KLF11: variants seen among roughly 807,000 people sequenced by gnomAD.
The protein encoded by KLF11 is KLF transcription factor 11.
In KLF11, 26 loss-of-function variants were observed where a neutral mutation model predicts 29.9. The observed-to-expected ratio is 0.87, with a 90% CI of 0.64 to 1.21. The LOEUF (loss-of-function observed/expected upper bound fraction) is 1.21. Ranked by LOEUF, KLF11 falls within the 50% of genes most tolerant of loss-of-function variation. The pLI, the probability that KLF11 is intolerant of heterozygous loss-of-function variation, is 0.00. For missense variants in KLF11, 778 were observed against 665.7 expected (o/e 1.17, Z -1.86); for synonymous variants, 318 against 257.4 (o/e 1.24, Z -2.25).
chr2:10,046,847 A>AC (rs1661221813), intron 2 of KLF11, among the ~76,000 whole-genome samples: 1 of 152,054 alleles, frequency 6.6e-6, no homozygotes, highest in South Asian at 2.1e-4. Context: ...AGAGCGCGAG[A>AC]CCCCATCTCA....
intron 3 of KLF11, among the ~76,000 whole-genome samples, chr2:10,048,927 TTTTAAAG>T (rs1661320541): frequency 1.3e-5 from 2 of 151,502 alleles, no homozygotes; most frequent in African/African-American, 4.8e-5. Context: ...TTTTTTTTTT[TTTTAAAG>T]AAAACATGCA....
At position 10,052,723 on chromosome 2, in the gene KLF11, G is replaced by A. The variant is rs199892235; in HGVS notation, c.*216G>A. 40 of 395,418 alleles carry A rather than the reference G, an allele frequency of 1.0e-4. No homozygotes were observed. The African/African-American group carries it at 1.0e-3, about 10-fold the overall frequency. 24.5% of individuals were successfully genotyped at this position (395,418 alleles called of 1,614,324 possible). ...GTAGTTTCAGAAGTTTTTTTGTTTTGGTTTTTTTTTTAAAGAAATGGTAGA... is the reference window on the plus strand; with the variant it reads ...GTAGTTTCAGAAGTTTTTTTGTTTTAGTTTTTTTTTTAAAGAAATGGTAGA... On this transcript the variant is annotated 3_prime_UTR_variant, in exon 4 of 4. Coordinates refer to ENST00000305883, the MANE Select transcript of KLF11 (RefSeq NM_003597.5).
In KLF11 at chr2:10,048,136, G is replaced by T; in HGVS notation, c.799G>T (p.Asp267Tyr). 6.2e-7 allele frequency: 1 copy of T among 1,614,202 alleles called. No individual in the cohort carries two copies. Residue 267 changes from aspartate (D) to tyrosine (Y), a missense_variant, in exon 3 of 4, where the codon GAC (aspartate) becomes TAC (tyrosine). Physicochemically the swap from Asp to Tyr is radical, Grantham distance 160. Transcript: ENST00000305883. ...TTGCTCACCAAAGAATTATGAAAAT[G>T]ACCTGCCCAGGAAAACCACCCCTCT... ...QTCSPKNYENDLPRKTTPLIS... is the reference protein window; with the variant it reads ...QTCSPKNYENYLPRKTTPLIS...
intron 3 of KLF11, 78 bp from the exon 4 acceptor site, chr2:10,052,149 A>T: frequency 7.1e-7 from 1 of 1,417,488 alleles, no homozygotes; most frequent in Non-Finnish European, 1.0e-6. Flanking sequence ...ACACGATTTT[A>T]AAATGACATG....
chr2:10,044,613 G>A (rs1310677512), intron 1 of KLF11, among the ~76,000 whole-genome samples: 1 of 151,810 alleles, frequency 6.6e-6, no homozygotes, highest in African/African-American at 2.4e-5. Context: ...AGATAGAGAG[G>A]AAACGTGTAT....
chr2:10,048,908 C>CTTTT (rs58347649), intron 3 of KLF11, among the ~76,000 whole-genome samples: 2 of 121,662 alleles, frequency 1.6e-5, no homozygotes, highest in African/African-American at 3.2e-5. Context: ...ACGTTTCATC[C>CTTTT]TTTTTTTTTT....
chr2:10,047,956 C>T lies in KLF11; in HGVS notation c.619C>T (p.Leu207Phe), dbSNP rs1218292517. 6.2e-7 allele frequency: 1 copy of T among 1,614,028 alleles called. No individual in the cohort carries two copies. Among genetic ancestry groups the T allele is most frequent in the Non-Finnish European group, 8.5e-7 (1 of 1,180,030 alleles). The change falls in exon 3 of 4, where the codon CTT becomes TTT. Residue 207 changes from leucine (L) to phenylalanine (F), a missense_variant. Transcript: ENST00000305883. The stretch of plus-strand genomic sequence containing the variant: ...TGACAGCAGAGAAGGAGAAGAGCAG[C>T]TTCTGGGACACTTTGAAACTTTGCA... The part of the protein sequence containing the change: ...LSDSREGEEQ[L>F]LGHFETLQDT...
In KLF11 at chr2:10,052,471, G is replaced by C. The variant is rs36091043; in HGVS notation, c.1503G>C (p.Pro501=). ...KLNRIASAES[P]GSPLVSMPAS... is the part of the protein sequence containing the mutation. ...ACAGAATCGCCTCTGCAGAGAGCCC[G>C]GGGAGCCCACTGGTGAGCATGCCAG... The change falls in exon 4 of 4, where the codon CCG becomes CCC. Residue 501 remains proline (P), a synonymous_variant. Transcript: ENST00000305883. 6.2e-7 allele frequency: 1 copy of C among 1,613,996 alleles called. No homozygotes were observed. The highest frequency in any genetic ancestry group is 1.1e-5 in the South Asian group (1 of 91,068).
intron 1 of KLF11, chr2:10,043,970 C>T (rs1429147743): frequency 3.4e-6 from 3 of 885,138 alleles, no homozygotes; most frequent in African/African-American, 1.8e-5. Flanking sequence ...GAGGAGGGGG[C>T]GTGTTCCCCG....
chr2:10,046,056 C>T, intron 1 of KLF11, 94 bp from the exon 2 acceptor site: 1 of 1,420,068 alleles, frequency 7.0e-7, no homozygotes, highest in Non-Finnish European at 9.9e-7. Context: ...TACATGCCTA[C>T]TGTAGGCTTC....
intron 3 of KLF11, among the ~76,000 whole-genome samples, chr2:10,051,707 T>C (rs570128988): frequency 4.5e-4 from 67 of 150,028 alleles, no homozygotes; most frequent in Middle Eastern, 6.9e-3. Context: ...TTAGTAGAGA[T>C]GGGGTTTCAC....
In KLF11 at chr2:10,054,626, G is replaced by A. The variant is rs1450445540; in HGVS notation, c.*2119G>A. On this transcript the variant is annotated 3_prime_UTR_variant, in exon 4 of 4. Transcript: ENST00000305883. ...TCAGCTGGCGGCTCTGGGTGCTGACGGCCGCTGGAGAGGTGGGCTCCCCTC... is the reference window on the plus strand; with the variant it reads ...TCAGCTGGCGGCTCTGGGTGCTGACAGCCGCTGGAGAGGTGGGCTCCCCTC... The A allele has an allele frequency of 1.3e-5, 2 of 152,678 alleles. No individual in the cohort carries two copies. The highest frequency in any genetic ancestry group is 6.5e-5 in the Admixed American group (1 of 15,286). The allele number at this position is 152,678 out of a possible 1,614,324, so 9.5% of individuals were successfully genotyped here.
Position 10,043,778 on chromosome 2 carries a change from C to T in KLF11, c.42+20C>T. The T allele has an allele frequency of 4.4e-6, 6 of 1,369,058 alleles. No homozygotes were observed. The highest frequency in any genetic ancestry group is 5.7e-6 in the Non-Finnish European group (6 of 1,043,816). The allele number at this position is 1,369,058 out of a possible 1,614,324, so 84.8% of individuals were successfully genotyped here. A position where few individuals can be genotyped will look rare whatever the true frequency, so the allele number is the denominator to read the frequency against. On this transcript the variant is annotated intron_variant, in intron 1 of 3. Coordinates refer to ENST00000305883, the MANE Select transcript of KLF11 (RefSeq NM_003597.5). ...CGCGCAGTGAGTGGTGGGGCTGCCG[C>T]GGCGGGACTACTCGTCTGAGCGAGG... is the stretch of plus-strand genomic sequence containing the variant.
chr2:10,052,584 A>G lies in KLF11; in HGVS notation c.*77A>G, dbSNP rs1006379222. ...AATGGAACTGATGGATTCCTCTCCCACTGCCTCACCCAAAAAAAACGGTCT... is the reference window on the plus strand; with the variant it reads ...AATGGAACTGATGGATTCCTCTCCCGCTGCCTCACCCAAAAAAAACGGTCT... On this transcript the variant is annotated 3_prime_UTR_variant, in exon 4 of 4. Transcript: ENST00000305883. 8.7e-6 allele frequency: 13 copies of G among 1,491,800 alleles called. No individual in the cohort carries two copies. In the African/African-American group the frequency reaches 1.1e-4, roughly 13 times the overall value. 92.4% of individuals were successfully genotyped at this position (1,491,800 alleles called of 1,614,324 possible).
rs1237528449 is a variant in KLF11 at position 10,052,636 on chromosome 2, C to G, written c.*129C>G. On this transcript the variant is annotated 3_prime_UTR_variant, in exon 4 of 4. Coordinates refer to ENST00000305883, the MANE Select transcript of KLF11 (RefSeq NM_003597.5). ...GGCGGCCTAGGGGAAGATCGGGGAG[C>G]TGGTTTTGATGAAAGTATGTTAACT... The G allele has an allele frequency of 1.1e-5, 10 of 920,948 alleles. No homozygotes were observed. The highest frequency in any genetic ancestry group is 1.7e-5 in the Non-Finnish European group (10 of 590,782). The allele number at this position is 920,948 out of a possible 1,614,324, so 57.0% of individuals were successfully genotyped here.
chr2:10,044,507 C>T (rs1156704121), intron 1 of KLF11: 2 of 916,480 alleles, frequency 2.2e-6, no homozygotes, highest in African/African-American at 3.6e-5. Flanking sequence ...AGTGGCGCAG[C>T]CTGCGGGACA....
chr2:10,043,881 C>T, intron 1 of KLF11, 123 bp downstream of exon 1: 1 of 1,089,058 alleles, frequency 9.2e-7, no homozygotes, highest in Non-Finnish European at 1.1e-6. Flanking sequence ...TCGCTGCGGC[C>T]GCGCCGGTAG....
Position 10,047,898 on chromosome 2 carries a change from T to C in KLF11, c.561T>C (p.Phe187=). ...CTGGGGAGAGCCCTGCTGCCTGCTTTCCCACCATCCAGACTCCAGATTGCC... is the reference window on the plus strand; with the variant it reads ...CTGGGGAGAGCCCTGCTGCCTGCTTCCCCACCATCCAGACTCCAGATTGCC... ...RHTGESPAAC[F]PTIQTPDCRL... The change falls in exon 3 of 4, where the codon TTT becomes TTC. Residue 187 remains phenylalanine (F), a synonymous_variant. Transcript: ENST00000305883. 2 of 1,613,790 alleles carry C rather than the reference T, an allele frequency of 1.2e-6. No homozygotes were observed. Among genetic ancestry groups the C allele is most frequent in the Non-Finnish European group, 1.7e-6 (2 of 1,180,030 alleles).
rs766503888 is a variant in KLF11, at chr2:10,047,995, A to G, written c.658A>G (p.Thr220Ala). 6.2e-7 allele frequency: 1 copy of G among 1,614,130 alleles called. No homozygotes were observed. The highest frequency in any genetic ancestry group is 8.5e-7 in the Non-Finnish European group (1 of 1,180,030). ...HFETLQDTHLTDSLLSTNLVS... is the reference protein window; with the variant it reads ...HFETLQDTHLADSLLSTNLVS... Reference sequence around the variant, plus strand: ...TGAAACTTTGCAGGACACACACCTCACGGACAGTTTACTCAGCACTAACTT... The same window carrying G: ...TGAAACTTTGCAGGACACACACCTCGCGGACAGTTTACTCAGCACTAACTT... The change falls in exon 3 of 4, where the codon ACG (threonine) becomes GCG (alanine). Residue 220 changes from threonine to alanine, a missense_variant. Transcript: ENST00000305883.
Sources: gnomAD v4.1 joint callset for allele counts (sites outside exome capture counted in the v4.1 genomes callset) on GRCh38, gnomAD v4.1.1 for gene constraint, MANE v1.5 for transcripts, NCBI Gene and HGNC (gene_info 2026-07-23, HGNC 2026-07-21) for gene names.